Variants in GALNT2 observed in about 807,000 individuals in gnomAD.
The protein encoded by GALNT2 is UDP-GalNAc:polypeptide N-acetylgalactosaminyltransferase 2.
A neutral mutation model predicts 81.4 loss-of-function variants in GALNT2; 31 were observed. The ratio of observed to expected loss-of-function variants is 0.38; its 90% CI spans 0.29 to 0.51. GALNT2 has a LOEUF of 0.51. Ranked by LOEUF, GALNT2 falls within the 20% of genes least tolerant of loss-of-function variation. GALNT2 has a pLI of 0.87. For missense variants in GALNT2, 629 were observed against 765.7 expected (o/e 0.82, Z 2.11); for synonymous variants, 303 against 287.4 (o/e 1.05, Z -0.55).
At chr1:230,084,220 T>C (rs1177577316) in intron 1 of GALNT2, among the ~76,000 whole-genome samples, 1 of 152,098 alleles carries the variant, frequency 6.6e-6, no homozygotes, top group Non-Finnish European at 1.5e-5. Context: ...CAGGGATGTA[T>C]ATTCTGGAAG....
chr1:230,067,626 C>T (rs1659238281), intron 1 of GALNT2, among the ~76,000 whole-genome samples: 1 of 152,090 alleles, frequency 6.6e-6, no homozygotes. Context: ...CGCAGCCTTT[C>T]TCTGCCCCCT....
intron 1 of GALNT2, among the ~76,000 whole-genome samples, chr1:230,148,618 G>T (rs999539133): frequency 1.3e-5 from 2 of 152,090 alleles, no homozygotes; most frequent in Non-Finnish European, 2.9e-5. Flanking sequence ...TTGAGACAAG[G>T]TTTGTTGCCC....
chr1:230,073,092 C>T (rs955320612), intron 1 of GALNT2, among the ~76,000 whole-genome samples: 2 of 152,164 alleles, frequency 1.3e-5, no homozygotes, highest in African/African-American at 2.4e-5. Flanking sequence ...CATATGCAAA[C>T]CCCCCTGAAT....
chr1:230,125,149 G>C (rs544596007), intron 1 of GALNT2, among the ~76,000 whole-genome samples: 106 of 152,324 alleles, frequency 7.0e-4, no homozygotes, highest in African/African-American at 2.3e-3. Flanking sequence ...TGCATTGTTG[G>C]CTGCCAAAGA....
intron 1 of GALNT2, among the ~76,000 whole-genome samples, chr1:230,149,975 T>A (rs1386625876): frequency 3.9e-5 from 6 of 152,200 alleles, no homozygotes; most frequent in Admixed American, 3.9e-4. Context: ...TTGATTTAAT[T>A]CTCAGAAACG....
At chr1:230,076,834 G>A (rs13376257) in intron 1 of GALNT2, among the ~76,000 whole-genome samples, 12,762 of 152,154 alleles carry the variant, frequency 0.084, 763 homozygotes, top group Admixed American at 0.15. Context: ...TTTACATGGC[G>A]GGAAAAAGAA....
intron 2 of GALNT2, among the ~76,000 whole-genome samples, chr1:230,201,237 G>C (rs778650516): frequency 6.6e-6 from 1 of 152,144 alleles, no homozygotes; most frequent in Non-Finnish European, 1.5e-5. Context: ...ACAGGCAGCT[G>C]TTTATTGGGG....
rs778442919 is a variant in GALNT2, at chr1:230,067,241, C to G, written c.-40C>G. Reference sequence around the variant, plus strand: ...GCCCGCGGCCGGCCCAGGCAGCACTCGCGAGCAGCGGCGGCCCCGCCGGCG... The same window carrying G: ...GCCCGCGGCCGGCCCAGGCAGCACTGGCGAGCAGCGGCGGCCCCGCCGGCG... On this transcript the variant is annotated 5_prime_UTR_variant, in exon 1 of 16. Coordinates refer to ENST00000366672, the MANE Select transcript of GALNT2 (RefSeq NM_004481.5). 4 of 1,239,130 alleles carry G rather than the reference C, an allele frequency of 3.2e-6. No individual in the cohort carries two copies. The South Asian group carries it at 7.5e-5, about 23-fold the overall frequency. 76.8% of individuals were successfully genotyped at this position (1,239,130 alleles called of 1,614,324 possible).
intron 1 of GALNT2, among the ~76,000 whole-genome samples, chr1:230,175,751 G>A (rs1254834549): frequency 6.7e-6 from 1 of 150,334 alleles, no homozygotes; most frequent in Non-Finnish European, 1.5e-5. Context: ...TAATCTGCAG[G>A]TTTTGGCCTG....
chr1:230,092,607 G>A (rs1280961778), intron 1 of GALNT2, among the ~76,000 whole-genome samples: 1 of 152,064 alleles, frequency 6.6e-6, no homozygotes, highest in African/African-American at 2.4e-5. Context: ...GCCTCCCAAA[G>A]TGCTGGGATT....
Position 230,257,403 on chromosome 1 carries a change from C to T in GALNT2, c.1136+2059C>T, listed in dbSNP as rs1665746910. On this transcript the variant is annotated intron_variant, in intron 11 of 15. Transcript: ENST00000366672. This position sits in a 1 kb window ranked among gnomAD's most constrained non-coding sequence, Gnocchi z 4.6. ...CCTGTAACAGCGTTTCGGTCGGTGA[C>T]AGTAGTCCCATAAGATTATAATACC... 6.6e-6 allele frequency among the ~76,000 whole-genome samples: 1 copy of T among 152,310 alleles called. No homozygotes were observed. The highest frequency in any genetic ancestry group is 1.5e-5 in the Non-Finnish European group (1 of 68,042).
At chr1:230,197,728 C>T (rs868411334) in intron 2 of GALNT2, among the ~76,000 whole-genome samples, 5 of 152,102 alleles carry the variant, frequency 3.3e-5, no homozygotes, top group South Asian at 4.1e-4. Flanking sequence ...CCAGGCTCAC[C>T]CTCATGCTTG....
chr1:230,123,248 T>C (rs1157735773), intron 1 of GALNT2, among the ~76,000 whole-genome samples: 2 of 152,206 alleles, frequency 1.3e-5, no homozygotes, highest in African/African-American at 4.8e-5. Context: ...ATCACCTGCC[T>C]TATTCGTGAC....
chr1:230,139,715 C>T (rs1398098705), intron 1 of GALNT2, among the ~76,000 whole-genome samples: 6 of 152,248 alleles, frequency 3.9e-5, no homozygotes, highest in Admixed American at 2.6e-4. Flanking sequence ...GCACTGCGAG[C>T]GTAATAATTT....
chr1:230,179,308 G>A (rs540672048), intron 2 of GALNT2, among the ~76,000 whole-genome samples: 64 of 152,178 alleles, frequency 4.2e-4, no homozygotes, highest in Middle Eastern at 3.4e-3. Context: ...GCTCATTTGG[G>A]TAAATACCAA....
At chr1:230,102,410 G>T (rs1312780945) in intron 1 of GALNT2, among the ~76,000 whole-genome samples, 2 of 152,118 alleles carry the variant, frequency 1.3e-5, no homozygotes, top group African/African-American at 4.8e-5. Flanking sequence ...TGGCAATTTT[G>T]GTCTTCAAGA....
At chr1:230,159,729 G>T (rs1662371972) in intron 1 of GALNT2, among the ~76,000 whole-genome samples, 1 of 152,244 alleles carries the variant, frequency 6.6e-6, no homozygotes, top group Non-Finnish European at 1.5e-5. Context: ...CCAAGTGCCT[G>T]TCGGTCAGCT....
chr1:230,183,374 G>C (rs1274257113), intron 2 of GALNT2, among the ~76,000 whole-genome samples: 1 of 151,372 alleles, frequency 6.6e-6, no homozygotes, highest in Non-Finnish European at 1.5e-5. Context: ...CACTTTTTCT[G>C]CCTTTTGTCG....
intron 1 of GALNT2, among the ~76,000 whole-genome samples, chr1:230,091,281 G>A (rs578132153): frequency 4.2e-4 from 64 of 151,502 alleles, no homozygotes; most frequent in Admixed American, 1.3e-3. Context: ...TCACCGTGTT[G>A]GCCAGGATGG....
Sources: allele counts gnomAD v4.1 joint callset (sites outside exome capture counted in the v4.1 genomes callset), GRCh38; gene constraint gnomAD v4.1.1; non-coding constraint Gnocchi (gnomAD v3.1); transcripts MANE v1.5; gene names NCBI Gene and HGNC (gene_info 2026-07-23, HGNC 2026-07-21).